PLD1: variants seen among roughly 807,000 people sequenced by gnomAD.
The protein encoded by PLD1 is choline phosphatase 1.
A neutral mutation model predicts 137.1 loss-of-function variants in PLD1; 112 were observed. The observed-to-expected ratio is 0.82, with a 90% CI of 0.70 to 0.96. The LOEUF is 0.96. Among genes scored for constraint, PLD1 ranks in the 40% least tolerant of loss-of-function variants. The pLI is 0.00. For missense variants in PLD1, 1,321 were observed against 1,342.0 expected, an observed-to-expected ratio of 0.98 and a Z score of 0.24; for synonymous variants, 431 against 454.7, an observed-to-expected ratio of 0.95 and a Z score of 0.66.
At chr3:171,727,771 C>G (rs1056261410) in intron 6 of PLD1, among the ~76,000 whole-genome samples, 1 of 151,998 alleles carries the variant, frequency 6.6e-6, no homozygotes, top group African/African-American at 2.4e-5. Context: ...ATTAGTAAAA[C>G]AAAAGTTTTC....
chr3:171,750,748 C>G (rs754661906), intron 1 of PLD1, among the ~76,000 whole-genome samples: 6 of 152,134 alleles, frequency 3.9e-5, no homozygotes, highest in Non-Finnish European at 8.8e-5. Context: ...CATCCTAAAG[C>G]TTAATTAATG....
At chr3:171,645,166 A>G (rs1266023544) in intron 21 of PLD1, 143 bp from the exon 22 acceptor site, 4 of 647,774 alleles carry the variant, frequency 6.2e-6, no homozygotes, top group Non-Finnish European at 1.1e-5. Context: ...AGGACTTGGG[A>G]GGGTGTGCTG....
In PLD1 at chr3:171,686,706, C is replaced by CT. The variant is rs1714597006; in HGVS notation, c.1845dup (p.Gly616ArgfsTer4). The CT allele has an allele frequency of 5.7e-6, 9 of 1,591,712 alleles. No homozygotes were observed. Among genetic ancestry groups the CT allele is most frequent in the Non-Finnish European group, 7.8e-6 (9 of 1,161,284 alleles). Reference sequence around the variant, plus strand: ...TTACCAGCATGAGGTCTAGTGAGTCCTTGCTCAGACTCACTGGACGGGTGA... The same window carrying CT: ...TTACCAGCATGAGGTCTAGTGAGTCCTTTGCTCAGACTCACTGGACGGGTGA... On this transcript the variant is annotated frameshift_variant, in exon 16 of 27. Transcript: ENST00000351298. LOFTEE classifies it high-confidence loss of function.
chr3:171,773,550 C>A (rs990363003), intron 1 of PLD1, among the ~76,000 whole-genome samples: 1 of 151,798 alleles, frequency 6.6e-6, no homozygotes, highest in Non-Finnish European at 1.5e-5. Flanking sequence ...TGCAGTGAGC[C>A]GACTTCGTGC....
At position 171,734,906 on chromosome 3, in the gene PLD1, A is replaced by T; in HGVS notation, c.499T>A (p.Ser167Thr). ...TGTTCTTCTCTTATCATGTTTTCAG[A>T]TGAACGGGGCAAACTGGGCATCTCT... ...PREMPSLPRS[S>T]ENMIREEQFL... The change falls in exon 5 of 27, where the codon TCT becomes ACT. Residue 167 changes from serine to threonine, a missense_variant. Transcript: ENST00000351298. 6.2e-7 allele frequency: 1 copy of T among 1,613,332 alleles called. No homozygotes were observed. The highest frequency in any genetic ancestry group is 8.5e-7 in the Non-Finnish European group (1 of 1,179,252).
At chr3:171,715,295 A>C (rs898118176) in intron 8 of PLD1, among the ~76,000 whole-genome samples, 21 of 152,150 alleles carry the variant, frequency 1.4e-4, no homozygotes, top group African/African-American at 5.1e-4. Context: ...TGAGTTCTCT[A>C]TTCTGTTCTA....
chr3:171,632,992 G>A (rs1316766021), intron 23 of PLD1, among the ~76,000 whole-genome samples: 3 of 152,222 alleles, frequency 2.0e-5, no homozygotes, highest in African/African-American at 4.8e-5. Flanking sequence ...TGTGAAAAAT[G>A]GCCTTGGGAA....
intron 25 of PLD1, among the ~76,000 whole-genome samples, chr3:171,606,966 G>T (rs1011603518): frequency 2.0e-5 from 3 of 152,158 alleles, no homozygotes; most frequent in Non-Finnish European, 2.9e-5. Context: ...TATTAAGCAT[G>T]AATATTTTCC....
At chr3:171,648,948 A>C (rs1218116425) in intron 21 of PLD1, among the ~76,000 whole-genome samples, 2 of 152,202 alleles carry the variant, frequency 1.3e-5, no homozygotes, top group East Asian at 3.8e-4. Context: ...AGGCATTTAA[A>C]TTGCTTCTAA....
At chr3:171,605,724 C>T (rs1462876335) in intron 25 of PLD1, among the ~76,000 whole-genome samples, 2 of 152,210 alleles carry the variant, frequency 1.3e-5, no homozygotes, top group Admixed American at 1.3e-4. Context: ...TTAAAAAGCA[C>T]TTCCACCTTA....
intron 23 of PLD1, among the ~76,000 whole-genome samples, chr3:171,638,024 T>C (rs917689028): frequency 2.7e-5 from 4 of 150,826 alleles, no homozygotes; most frequent in Non-Finnish European, 5.9e-5. Context: ...ACTAAAAAAA[T>C]ACAAAAAAAA....
At chr3:171,656,716 A>C (rs1206943678) in intron 21 of PLD1, among the ~76,000 whole-genome samples, 1 of 152,238 alleles carries the variant, frequency 6.6e-6, no homozygotes, top group Non-Finnish European at 1.5e-5. Flanking sequence ...TACACACTGC[A>C]GGATATGATG....
At chr3:171,743,564 T>C (rs1459714713) in intron 1 of PLD1, among the ~76,000 whole-genome samples, 2 of 152,188 alleles carry the variant, frequency 1.3e-5, no homozygotes, top group Non-Finnish European at 2.9e-5. Context: ...GGCATCCCCA[T>C]AGCGCTCTCC....
At chr3:171,609,214 TA>T (rs1301444565) in intron 25 of PLD1, among the ~76,000 whole-genome samples, 3 of 152,036 alleles carry the variant, frequency 2.0e-5, no homozygotes, top group Admixed American at 1.3e-4. Flanking sequence ...TCAGAATGAC[TA>T]TTATTAAAAA....
intron 23 of PLD1, among the ~76,000 whole-genome samples, chr3:171,625,023 C>T (rs996360748): frequency 6.6e-6 from 1 of 151,636 alleles, no homozygotes; most frequent in African/African-American, 2.4e-5. Context: ...CTATTGGAAG[C>T]ATAGTTCATG....
chr3:171,638,626 G>T (rs186846698), intron 23 of PLD1, among the ~76,000 whole-genome samples: 1 of 152,248 alleles, frequency 6.6e-6, no homozygotes, highest in Non-Finnish European at 1.5e-5. Context: ...GAAGATTATT[G>T]ATTGCTAAAT....
Position 171,612,218 on chromosome 3 carries a change from C to G in PLD1, c.2882+61G>C, listed in dbSNP as rs1409078827. 3 of 1,529,658 alleles carry G rather than the reference C, an allele frequency of 2.0e-6. No homozygotes were observed. In the African/African-American group the frequency reaches 4.1e-5, roughly 21 times the overall value. 94.8% of individuals were successfully genotyped at this position (1,529,658 alleles called of 1,614,324 possible). ...ACCCATGTGCTCAGGGCTAGCGGGGCTGGGTCCCAGCGACTGCTGCAGTGG... is the reference window on the plus strand; with the variant it reads ...ACCCATGTGCTCAGGGCTAGCGGGGGTGGGTCCCAGCGACTGCTGCAGTGG... On this transcript the variant is annotated intron_variant, in intron 25 of 26. Coordinates refer to ENST00000351298, the MANE Select transcript of PLD1 (RefSeq NM_002662.5). This position sits in a 1 kb window ranked among gnomAD's most constrained non-coding sequence, Gnocchi z 4.1.
intron 18 of PLD1, among the ~76,000 whole-genome samples, chr3:171,674,979 C>CAAAAAAAAAAAAAAAAA (rs376402019): frequency 1.3e-4 from 10 of 74,942 alleles, no homozygotes; most frequent in Admixed American, 5.0e-4. Flanking sequence ...ATCTCCATCT[C>CAAAAAAAAAAAAAAAAA]AAAAAAAAAA....
intron 1 of PLD1, among the ~76,000 whole-genome samples, chr3:171,782,235 A>T (rs1722823878): frequency 1.3e-5 from 2 of 152,234 alleles, no homozygotes; most frequent in African/African-American, 4.8e-5. Flanking sequence ...CTGGCAGAGC[A>T]TAAGAGGGTG....
Sources: allele counts gnomAD v4.1 joint callset (sites outside exome capture counted in the v4.1 genomes callset), GRCh38; gene constraint gnomAD v4.1.1; non-coding constraint Gnocchi (gnomAD v3.1); transcripts MANE v1.5; gene names NCBI Gene and HGNC (gene_info 2026-07-23, HGNC 2026-07-21).